DPY19L2: variants seen among roughly 807,000 people sequenced by gnomAD.
The protein encoded by DPY19L2 is probable C-mannosyltransferase DPY19L2.
In DPY19L2, 34 loss-of-function variants were observed where a neutral mutation model predicts 97.9. The ratio of observed to expected loss-of-function variants is 0.35; its 90% CI spans 0.26 to 0.46. DPY19L2 has a LOEUF of 0.46. Ranked by LOEUF, DPY19L2 falls within the 20% of genes least tolerant of loss-of-function variation. DPY19L2 has a pLI of 1.00. For synonymous variants in DPY19L2, 230 were observed against 307.9 expected, an observed-to-expected ratio of 0.75 and a Z score of 2.65; for missense variants, 623 against 911.4, an observed-to-expected ratio of 0.68 and a Z score of 4.07.
intron 4 of DPY19L2, among the ~76,000 whole-genome samples, chr12:63,655,745 G>A (rs548683454): frequency 6.0e-5 from 5 of 83,632 alleles, no homozygotes; most frequent in South Asian, 1.0e-3. Flanking sequence ...AGGAAGGGTC[G>A]GGGGGTGGGT....
Position 63,594,071 on chromosome 12 carries a change from A to G in DPY19L2, c.1580+16T>C, listed in dbSNP as rs1357804545. 1 of 1,475,654 alleles carries G rather than the reference A, an allele frequency of 6.8e-7. No individual in the cohort carries two copies. Among genetic ancestry groups the G allele is most frequent in the African/African-American group, 1.4e-5 (1 of 71,194 alleles). The allele number at this position is 1,475,654 out of a possible 1,614,324, so 91.4% of individuals were successfully genotyped here. A position where few individuals can be genotyped will look rare whatever the true frequency, so the allele number is the denominator to read the frequency against. ...TGGAATACTGTATGTTTTAAAAACA[A>G]TGATGATATAATTACCTTAGATAAA... On this transcript the variant is annotated intron_variant, in intron 16 of 21. Transcript: ENST00000324472.
At chr12:63,614,299 CA>C (rs1469707668) in intron 11 of DPY19L2, among the ~76,000 whole-genome samples, 1 of 151,620 alleles carries the variant, frequency 6.6e-6, no homozygotes, top group Non-Finnish European at 1.5e-5. Context: ...AACAAACTGA[CA>C]AACACATCAG....
chr12:63,605,903 G>A (rs988102225), intron 12 of DPY19L2, among the ~76,000 whole-genome samples: 11 of 152,046 alleles, frequency 7.2e-5, no homozygotes, highest in African/African-American at 2.7e-4. Flanking sequence ...ATCAACTGGG[G>A]AGAACTGCAT....
intron 11 of DPY19L2, among the ~76,000 whole-genome samples, chr12:63,610,864 A>AAAAAAAAAAAAC (rs1886861073): frequency 4.8e-5 from 5 of 104,000 alleles, no homozygotes; most frequent in Non-Finnish European, 1.0e-4. Context: ...AAAAAAAAAA[A>AAAAAAAAAAAAC]AAAAAAAAAA....
chr12:63,631,271 A>C (rs1486714140), intron 6 of DPY19L2, among the ~76,000 whole-genome samples: 1 of 152,120 alleles, frequency 6.6e-6, no homozygotes, highest in East Asian at 1.9e-4. Context: ...AAATCAATGA[A>C]TCCAGGAGCT....
At chr12:63,581,499 T>TC (rs1555184284) in intron 18 of DPY19L2, among the ~76,000 whole-genome samples, 1 of 141,374 alleles carries the variant, frequency 7.1e-6, no homozygotes, top group Non-Finnish European at 1.6e-5. Context: ...TTTTTTTTTT[T>TC]CTGAGACAGA....
chr12:63,664,316 G>A (rs532799410), intron 2 of DPY19L2, among the ~76,000 whole-genome samples: 17 of 151,550 alleles, frequency 1.1e-4, no homozygotes, highest in Middle Eastern at 3.4e-3. Context: ...CAGCCTGGGC[G>A]ACAGAGTGAG....
At chr12:63,613,289 A>G (rs1348427598) in intron 11 of DPY19L2, among the ~76,000 whole-genome samples, 1 of 152,176 alleles carries the variant, frequency 6.6e-6, no homozygotes, top group African/African-American at 2.4e-5. Context: ...ATAATAAAAC[A>G]GCATGACCAA....
intron 14 of DPY19L2, among the ~76,000 whole-genome samples, chr12:63,597,036 G>T (rs985390955): frequency 2.0e-5 from 3 of 151,876 alleles, no homozygotes; most frequent in Non-Finnish European, 2.9e-5. Flanking sequence ...GCATTGGTGC[G>T]ATCTCAGCTC....
chr12:63,599,077 G>T lies in DPY19L2; in HGVS notation c.1360-1167C>A, dbSNP rs554144084. Among the ~76,000 whole-genome samples, 13 of 151,628 alleles carry T rather than the reference G, an allele frequency of 8.6e-5. No homozygotes were observed. In the East Asian group the frequency reaches 2.5e-3, roughly 30 times the overall value. On this transcript the variant is annotated intron_variant, in intron 13 of 21. Transcript: ENST00000324472. ...AACCTCAGCTACTCAGGAAGCTGAG[G>T]CACGAGAATCGCTTGAGCCCAGGAG... is the stretch of plus-strand genomic sequence containing the variant.
chr12:63,659,442 C>T (rs2138283413), intron 4 of DPY19L2, among the ~76,000 whole-genome samples: 1 of 148,676 alleles, frequency 6.7e-6, no homozygotes, highest in Middle Eastern at 3.5e-3. Flanking sequence ...GATACATGTA[C>T]AAATCCAACA....
At chr12:63,637,542 T>C (rs369280331) in intron 6 of DPY19L2, among the ~76,000 whole-genome samples, 11 of 152,070 alleles carry the variant, frequency 7.2e-5, no homozygotes, top group African/African-American at 1.9e-4. Flanking sequence ...CACCACCGAT[T>C]ACTCAGAAAT....
intron 6 of DPY19L2, among the ~76,000 whole-genome samples, chr12:63,641,054 G>A (rs1248469117): frequency 1.1e-4 from 16 of 151,710 alleles, no homozygotes; most frequent in East Asian, 1.9e-4. Flanking sequence ...CACCACGCCC[G>A]GCTAATTTTT....
chr12:63,610,786 A>G (rs1029867117), intron 11 of DPY19L2, among the ~76,000 whole-genome samples: 6 of 146,160 alleles, frequency 4.1e-5, no homozygotes, highest in African/African-American at 1.5e-4. Flanking sequence ...CTGATACCAA[A>G]TCCAGAAAAA....
intron 6 of DPY19L2, among the ~76,000 whole-genome samples, chr12:63,627,593 G>A (rs780357819): frequency 2.6e-5 from 4 of 151,856 alleles, no homozygotes; most frequent in African/African-American, 4.8e-5. Flanking sequence ...CAAGTGATCC[G>A]GCCACCTCAG....
chr12:63,572,269 C>T lies in DPY19L2; in HGVS notation c.1901-1412G>A, dbSNP rs147530803. On this transcript the variant is annotated intron_variant, in intron 19 of 21. Coordinates refer to ENST00000324472, the MANE Select transcript of DPY19L2 (RefSeq NM_173812.5). ...AGGTCCTTGGGCCTTAAGTGAATGT[C>T]GGCGGTAGCCAGGCACTACCTCCCA... Among the ~76,000 whole-genome samples the T allele has an allele frequency of 6.5e-3, 990 of 152,166 alleles. 4 individuals carry two copies. The highest frequency in any genetic ancestry group is 0.022 in the African/African-American group (933 of 41,478).
chr12:63,653,218 G>A (rs1894509875), intron 4 of DPY19L2, among the ~76,000 whole-genome samples: 1 of 152,008 alleles, frequency 6.6e-6, no homozygotes, highest in Non-Finnish European at 1.5e-5. Context: ...TGTCATTGGA[G>A]TCTTGGAAGG....
chr12:63,662,851 G>GC (rs1895862705), intron 3 of DPY19L2, among the ~76,000 whole-genome samples: 1 of 152,126 alleles, frequency 6.6e-6, no homozygotes, highest in African/African-American at 2.4e-5. Flanking sequence ...ATATAGGGAT[G>GC]AAAATTAAAA....
chr12:63,571,234 C>A (rs1878786859), intron 19 of DPY19L2, among the ~76,000 whole-genome samples: 1 of 152,048 alleles, frequency 6.6e-6, no homozygotes, highest in Admixed American at 6.5e-5. Context: ...CCAGAAACCA[C>A]CCCCTACCCC....
Sources: allele counts gnomAD v4.1 joint callset (sites outside exome capture counted in the v4.1 genomes callset), GRCh38; gene constraint gnomAD v4.1.1; transcripts MANE v1.5; gene names NCBI Gene and HGNC (gene_info 2026-07-23, HGNC 2026-07-21).